HIF1A: variants seen among roughly 807,000 people sequenced by gnomAD.
The protein encoded by HIF1A is hypoxia-inducible factor 1-alpha.
Under a neutral mutation model 92.7 loss-of-function variants are expected in HIF1A, and 24 were observed. That is an observed-to-expected ratio of 0.26 (90% CI 0.19 to 0.36). HIF1A has a LOEUF of 0.36. HIF1A is among the 10% of genes least tolerant of loss of function. The pLI, the probability that HIF1A is intolerant of heterozygous loss-of-function variation, is 1.00. For missense variants in HIF1A, 799 were observed against 998.5 expected, an observed-to-expected ratio of 0.80 and a Z score of 2.69; for synonymous variants, 319 against 338.7, an observed-to-expected ratio of 0.94 and a Z score of 0.64.
At chr14:61,738,449 C>T in intron 10 of HIF1A, 76 bp downstream of exon 10, 1 of 1,316,450 alleles carries the variant, frequency 7.6e-7, no homozygotes, top group Non-Finnish European at 1.0e-6. Context: ...AAGTTTGATT[C>T]AAACACTTAT....
At chr14:61,738,470 A>G in intron 10 of HIF1A, 97 bp downstream of exon 10, 5 of 1,102,136 alleles carry the variant, frequency 4.5e-6, no homozygotes, top group Non-Finnish European at 3.9e-6. Context: ...TTGAACCACA[A>G]ATTACATTTG....
chr14:61,711,298 G>A (rs2044305406), intron 1 of HIF1A, among the ~76,000 whole-genome samples: 1 of 145,188 alleles, frequency 6.9e-6, no homozygotes, highest in African/African-American at 2.7e-5. Context: ...TTGAACTCCT[G>A]GGCTCAAATA....
chr14:61,698,561 A>G (rs998104768), intron 1 of HIF1A, among the ~76,000 whole-genome samples: 1 of 152,204 alleles, frequency 6.6e-6, no homozygotes, highest in African/African-American at 2.4e-5. Context: ...AAACTTCCAC[A>G]ACTCTTAAAA....
At chr14:61,705,742 A>G (rs2044231562) in intron 1 of HIF1A, among the ~76,000 whole-genome samples, 1 of 152,182 alleles carries the variant, frequency 6.6e-6, no homozygotes, top group African/African-American at 2.4e-5. Flanking sequence ...TTTTAAAGAC[A>G]AAGAAACAGG....
At chr14:61,730,530 T>G (rs1331551898) in intron 6 of HIF1A, among the ~76,000 whole-genome samples, 1 of 152,216 alleles carries the variant, frequency 6.6e-6, no homozygotes, top group East Asian at 1.9e-4. Flanking sequence ...TGCACCATGT[T>G]AAGCATTTTT....
At chr14:61,706,580 G>A (rs946908559) in intron 1 of HIF1A, among the ~76,000 whole-genome samples, 7 of 152,100 alleles carry the variant, frequency 4.6e-5, no homozygotes, top group African/African-American at 9.7e-5. Flanking sequence ...AATTATTCTC[G>A]TTTTTCAAAA....
chr14:61,707,109 T>C (rs2044247147), intron 1 of HIF1A, among the ~76,000 whole-genome samples: 1 of 152,230 alleles, frequency 6.6e-6, no homozygotes, highest in African/African-American at 2.4e-5. Context: ...TGAGCGTTGC[T>C]CTTTTACTTC....
At chr14:61,731,283 A>G (rs561146551) in intron 6 of HIF1A, among the ~76,000 whole-genome samples, 43 of 152,272 alleles carry the variant, frequency 2.8e-4, no homozygotes, top group African/African-American at 1.0e-3. Context: ...GCTCCTAGAA[A>G]GACTTGAGAA....
At chr14:61,717,738 C>A (rs1396825244) in intron 1 of HIF1A, among the ~76,000 whole-genome samples, 1 of 152,042 alleles carries the variant, frequency 6.6e-6, no homozygotes. Context: ...TGATTGGATA[C>A]CCTTTAAAAG....
At chr14:61,744,171 T>C (rs1037611604) in intron 12 of HIF1A, among the ~76,000 whole-genome samples, 2 of 152,164 alleles carry the variant, frequency 1.3e-5, no homozygotes, top group African/African-American at 4.8e-5. Flanking sequence ...ATAGTGTCAA[T>C]TTAGTTGTGT....
chr14:61,740,488 C>A lies in HIF1A; in HGVS notation c.1537-17C>A. ...GGAAGCTTCTTCAGGAAATAGTAAA[C>A]ATATTTCTTTTTACAGCCTAATAGT... On this transcript the variant is annotated splice_polypyrimidine_tract_variant and intron_variant, in intron 10 of 14. Coordinates refer to ENST00000337138, the MANE Select transcript of HIF1A (RefSeq NM_001530.4). The A allele has an allele frequency of 6.5e-7, 1 of 1,539,596 alleles. No homozygotes were observed. The highest frequency in any genetic ancestry group is 1.2e-5 in the South Asian group (1 of 82,326).
chr14:61,704,967 G>T (rs902722420), intron 1 of HIF1A, among the ~76,000 whole-genome samples: 4 of 152,078 alleles, frequency 2.6e-5, no homozygotes, highest in African/African-American at 9.7e-5. Flanking sequence ...AGACTTTTGG[G>T]TTTAAGTTTT....
At position 61,727,634 on chromosome 14, in the gene HIF1A, A is replaced by G. The variant is rs149721384; in HGVS notation, c.752A>G (p.Lys251Arg). ...TFLSRHSLDM[K>R]FSYCDERITE... ...CTCAGTCGACACAGCCTGGATATGA[A>G]ATTTTCTTATTGTGATGAAAGGTAA... The change falls in exon 6 of 15, where the codon AAA becomes AGA. Residue 251 changes from lysine to arginine, a missense_variant. Coordinates refer to ENST00000337138, the MANE Select transcript of HIF1A (RefSeq NM_001530.4). 1.5e-4 allele frequency: 240 copies of G among 1,612,304 alleles called. No individual in the cohort carries two copies. Among genetic ancestry groups the G allele is most frequent in the Non-Finnish European group, 1.9e-4 (226 of 1,178,556 alleles).
chr14:61,733,712 T>C (rs1282877432), intron 7 of HIF1A, among the ~76,000 whole-genome samples: 2 of 152,256 alleles, frequency 1.3e-5, no homozygotes, highest in African/African-American at 2.4e-5. Context: ...CAATGTGGTA[T>C]CAATTTATAT....
intron 1 of HIF1A, chr14:61,698,095 G>A (rs1461221502): frequency 8.9e-6 from 4 of 450,110 alleles, no homozygotes; most frequent in East Asian, 3.6e-5. Context: ...TCTGTTTCAG[G>A]CTTCAGGCCA....
intron 8 of HIF1A, among the ~76,000 whole-genome samples, chr14:61,736,338 T>TA (rs1594882907): frequency 1.3e-5 from 2 of 151,920 alleles, no homozygotes; most frequent in South Asian, 2.1e-4. Context: ...ATTTTTTTTT[T>TA]AATTTCAACT....
In HIF1A at chr14:61,738,179, T is replaced by C. The variant is rs763633189; in HGVS notation, c.1342T>C (p.Leu448=). 1 of 1,614,138 alleles carries C rather than the reference T, an allele frequency of 6.2e-7. No homozygotes were observed. The highest frequency in any genetic ancestry group is 8.5e-7 in the Non-Finnish European group (1 of 1,180,022). ...CAACGAAAAATTACAGAATATAAAT[T>C]TGGCAATGTCTCCATTACCCACCGC... ...SPNEKLQNIN[L]AMSPLPTAET... is the part of the protein sequence containing the mutation. The change falls in exon 10 of 15, where the codon TTG becomes CTG. Residue 448 remains leucine, a synonymous_variant. Transcript: ENST00000337138.
At position 61,720,546 on chromosome 14, in the gene HIF1A, T is replaced by G; in HGVS notation, c.200T>G (p.Leu67Trp). 1 of 1,606,632 alleles carries G rather than the reference T, an allele frequency of 6.2e-7. No homozygotes were observed. The highest frequency in any genetic ancestry group is 8.5e-7 in the Non-Finnish European group (1 of 1,177,264). ...GTGATGAGGCTTACCATCAGCTATT[T>G]GCGTGTGAGGAAACTTCTGGATGCT... ...ASVMRLTISY[L>W]RVRKLLDAGD... Residue 67 changes from leucine (L) to tryptophan (W), a missense_variant, in exon 2 of 15, where the codon TTG (leucine) becomes TGG (tryptophan). This residue lies in a region of HIF1A where 516 missense variants were observed against 721.0 expected (regional missense o/e 0.72). Transcript: ENST00000337138.
chr14:61,738,910 A>G (rs1056424803), intron 10 of HIF1A, among the ~76,000 whole-genome samples: 1 of 151,660 alleles, frequency 6.6e-6, no homozygotes, highest in Non-Finnish European at 1.5e-5. Flanking sequence ...CTAATTTTTT[A>G]ACCTTTTTTT....
Sources: gnomAD v4.1 joint callset for allele counts (sites outside exome capture counted in the v4.1 genomes callset) on GRCh38, gnomAD v4.1.1 for gene constraint, gnomAD v4.1.1 regional missense constraint, MANE v1.5 for transcripts, NCBI Gene and HGNC (gene_info 2026-07-23, HGNC 2026-07-21) for gene names.